RGS6: variants seen among roughly 807,000 people sequenced by gnomAD.
RGS6 encodes the protein regulator of G protein signaling 6.
In RGS6, 30 loss-of-function variants were observed where a neutral mutation model predicts 78.5. The observed-to-expected ratio is 0.38, with a 90% CI of 0.29 to 0.52. The LOEUF is 0.52. Among genes scored for constraint, RGS6 ranks in the 20% least tolerant of loss-of-function variants. The pLI is 0.85. For synonymous variants in RGS6, 206 were observed against 206.0 expected, an observed-to-expected ratio of 1.00 and a Z score of 0.00; for missense variants, 495 against 609.7, an observed-to-expected ratio of 0.81 and a Z score of 1.98.
chr14:72,345,237 AT>A (rs2077792106), intron 2 of RGS6, among the ~76,000 whole-genome samples: 1 of 152,212 alleles, frequency 6.6e-6, no homozygotes, highest in African/African-American at 2.4e-5. Context: ...AAAGACCAAG[AT>A]GTTGGTGTTC....
intron 2 of RGS6, among the ~76,000 whole-genome samples, chr14:72,119,867 A>C (rs147383636): frequency 0.01 from 1,545 of 152,364 alleles, 23 homozygotes; most frequent in African/African-American, 0.034. Flanking sequence ...GGTTTAAAAG[A>C]AAAGCCTGAA....
At chr14:72,325,471 GT>G (rs71448394) in intron 2 of RGS6, among the ~76,000 whole-genome samples, 1 of 151,792 alleles carries the variant, frequency 6.6e-6, no homozygotes, top group South Asian at 2.1e-4. Flanking sequence ...TTCTTCTAGG[GT>G]TTTTTTGGTT....
At chr14:71,879,077 A>G in the RGS6 span, among the ~76,000 whole-genome samples, 7 of 152,134 alleles carry the variant, frequency 4.6e-5, no homozygotes, top group African/African-American at 1.7e-4. Context: ...TCAACCATGC[A>G]ATATGCTGAT....
chr14:72,200,936 T>C (rs975376155), intron 2 of RGS6, among the ~76,000 whole-genome samples: 10 of 130,202 alleles, frequency 7.7e-5, no homozygotes, highest in Non-Finnish European at 1.4e-4. Flanking sequence ...TAGAAGGAGA[T>C]ACTTACTCCT....
At chr14:72,484,238 A>G (rs1013383228) in intron 12 of RGS6, among the ~76,000 whole-genome samples, 3 of 152,196 alleles carry the variant, frequency 2.0e-5, no homozygotes, top group Non-Finnish European at 4.4e-5. Context: ...TTTGTACTGT[A>G]TTTCTAAAGT....
intron 2 of RGS6, among the ~76,000 whole-genome samples, chr14:72,042,105 A>G (rs1200313654): frequency 6.7e-6 from 1 of 150,032 alleles, no homozygotes; most frequent in Non-Finnish European, 1.5e-5. Context: ...TTCCTCTAAT[A>G]CTTTCCTTTT....
intron 2 of RGS6, among the ~76,000 whole-genome samples, chr14:72,018,382 G>A (rs1451307492): frequency 2.0e-5 from 3 of 152,072 alleles, no homozygotes; most frequent in Non-Finnish European, 2.9e-5. Context: ...TGATCTCAGT[G>A]GGTCTCATTT....
At chr14:72,463,163 T>C (rs960071056) in intron 6 of RGS6, among the ~76,000 whole-genome samples, 1 of 152,194 alleles carries the variant, frequency 6.6e-6, no homozygotes, top group Admixed American at 6.5e-5. Flanking sequence ...ATGTGAGATA[T>C]AGGTAAGGGT....
intron 2 of RGS6, among the ~76,000 whole-genome samples, chr14:72,330,038 AG>A (rs2152565148): frequency 6.6e-6 from 1 of 152,346 alleles, no homozygotes; most frequent in East Asian, 1.9e-4. Flanking sequence ...TGTTCTTCAC[AG>A]CACCCAACAG....
intron 2 of RGS6, among the ~76,000 whole-genome samples, chr14:72,345,214 G>A (rs968414827): frequency 7.9e-5 from 12 of 152,258 alleles, no homozygotes; most frequent in South Asian, 6.2e-4. Context: ...CAGCCATCAG[G>A]CAACCACAAG....
Position 72,024,439 on chromosome 14 carries a change from G to A in RGS6, c.84+59564G>A, listed in dbSNP as rs115822885. Among the ~76,000 whole-genome samples the A allele has an allele frequency of 7.2e-3, 1,098 of 152,292 alleles. 13 individuals carry two copies. The highest frequency in any genetic ancestry group is 0.025 in the African/African-American group (1,037 of 41,554). On this transcript the variant is annotated intron_variant, in intron 2 of 17. Coordinates refer to ENST00000553525, the MANE Select transcript of RGS6 (RefSeq NM_001204424.2). The stretch of plus-strand genomic sequence containing the variant: ...ACCAGTTCTATCCCAGGCCAAGTGG[G>A]TTTCTGTTGTTCCTGCTTATCCCCT...
chr14:72,259,635 CG>C (rs1302323129), intron 2 of RGS6, among the ~76,000 whole-genome samples: 1 of 152,118 alleles, frequency 6.6e-6, no homozygotes, highest in Non-Finnish European at 1.5e-5. Flanking sequence ...GGGCCGGGCG[CG>C]GTGGCTCACG....
intron 2 of RGS6, among the ~76,000 whole-genome samples, chr14:72,096,892 C>G (rs2095420354): frequency 6.6e-6 from 1 of 152,196 alleles, no homozygotes; most frequent in Non-Finnish European, 1.5e-5. Flanking sequence ...GACAAACAAC[C>G]ACAGTCTCCT....
At chr14:72,083,102 G>A (rs6574044) in intron 2 of RGS6, among the ~76,000 whole-genome samples, 147,960 of 152,290 alleles carry the variant, frequency 0.97, 71,913 homozygotes, top group East Asian at 1. Context: ...AAGTGAGAAA[G>A]TCTTTTCCAG....
At chr14:72,235,495 A>G (rs1310457354) in intron 2 of RGS6, among the ~76,000 whole-genome samples, 1 of 152,238 alleles carries the variant, frequency 6.6e-6, no homozygotes, top group Non-Finnish European at 1.5e-5. Flanking sequence ...TTTATAGATA[A>G]TATCTGGAGC....
chr14:72,608,984 C>T, the RGS6 span, among the ~76,000 whole-genome samples: 3 of 152,220 alleles, frequency 2.0e-5, no homozygotes, highest in African/African-American at 7.2e-5. Flanking sequence ...AGGATCTCTA[C>T]ATTTGCAAGT....
intron 2 of RGS6, among the ~76,000 whole-genome samples, chr14:71,988,613 G>A (rs557290676): frequency 2.0e-5 from 3 of 151,972 alleles, no homozygotes; most frequent in Non-Finnish European, 2.9e-5. Context: ...GAGACTGTCC[G>A]TATGACCGGT....
In RGS6 at chr14:72,429,623, A is replaced by T. The variant is rs186154667; in HGVS notation, c.185-24905A>T. ...AATCTGCATTTTTAGAGAAGATATT[A>T]TAATGTGCTTACGTGGCCTCCAGAT... On this transcript the variant is annotated intron_variant, in intron 3 of 17. Transcript: ENST00000553525. 1.7e-4 allele frequency among the ~76,000 whole-genome samples: 26 copies of T among 152,332 alleles called. No individual in the cohort carries two copies. In the East Asian group the frequency reaches 2.7e-3, roughly 16 times the overall value.
chr14:72,067,558 A>G (rs1482799829), intron 2 of RGS6, among the ~76,000 whole-genome samples: 2 of 152,164 alleles, frequency 1.3e-5, no homozygotes, highest in African/African-American at 4.8e-5. Context: ...TTTTAATCAC[A>G]CACACTAATA....
Sources: allele counts gnomAD v4.1 joint callset (sites outside exome capture counted in the v4.1 genomes callset), GRCh38; gene constraint gnomAD v4.1.1; transcripts MANE v1.5; gene names NCBI Gene and HGNC (gene_info 2026-07-23, HGNC 2026-07-21).